FBXO31: variants seen among roughly 807,000 people sequenced by gnomAD.
FBXO31 encodes F-box protein 31.
A neutral mutation model predicts 54.4 loss-of-function variants in FBXO31; 24 were observed. That is an observed-to-expected ratio of 0.44 (90% CI 0.32 to 0.62). The LOEUF (loss-of-function observed/expected upper bound fraction) is 0.62. Among genes scored for constraint, FBXO31 ranks in the 20% least tolerant of loss-of-function variants. FBXO31 has a pLI of 0.05. For synonymous variants in FBXO31, 388 were observed against 335.6 expected (o/e 1.16, Z -1.71); for missense variants, 665 against 787.1 (o/e 0.84, Z 1.86).
chr16:87,360,902 G>C (rs949789624), intron 1 of FBXO31, among the ~76,000 whole-genome samples: 2 of 152,152 alleles, frequency 1.3e-5, no homozygotes, highest in African/African-American at 4.8e-5. Context: ...CCAGGGCCCA[G>C]TGCAGGGCCC....
intron 2 of FBXO31, among the ~76,000 whole-genome samples, chr16:87,357,805 T>C (rs1025461855): frequency 1.3e-5 from 2 of 152,082 alleles, no homozygotes; most frequent in African/African-American, 4.8e-5. Context: ...TGGTGGTGTA[T>C]GCCTGTAATC....
At chr16:87,373,941 T>C (rs1906710780) in intron 1 of FBXO31, among the ~76,000 whole-genome samples, 1 of 152,146 alleles carries the variant, frequency 6.6e-6, no homozygotes, top group African/African-American at 2.4e-5. Flanking sequence ...TACATTCCAA[T>C]AAACCCACTG....
rs1172006002 is a variant in FBXO31, at chr16:87,335,510, G to A, written c.843-53C>T. ...GAGACCTCGTGGGGCAGGCAGGACTGAGAACGCCCAAGGTGCCAGGGATGA... is the reference window on the plus strand; with the variant it reads ...GAGACCTCGTGGGGCAGGCAGGACTAAGAACGCCCAAGGTGCCAGGGATGA... On this transcript the variant is annotated intron_variant, in intron 6 of 8. Transcript: ENST00000311635. The surrounding 1 kb of genome is among the most constrained non-coding windows in gnomAD (Gnocchi z 5.7). The A allele has an allele frequency of 4.5e-5, 65 of 1,447,972 alleles. No individual in the cohort carries two copies. The East Asian group carries it at 1.8e-3, about 40-fold the overall frequency. The allele number at this position is 1,447,972 out of a possible 1,614,324, so 89.7% of individuals were successfully genotyped here.
intron 1 of FBXO31, among the ~76,000 whole-genome samples, chr16:87,375,200 G>C (rs1246777302): frequency 6.6e-6 from 1 of 152,186 alleles, no homozygotes; most frequent in Non-Finnish European, 1.5e-5. Context: ...CACCTACTTG[G>C]AGAGGCTGAG....
At position 87,335,253 on chromosome 16, in the gene FBXO31, C is replaced by T; in HGVS notation, c.996+51G>A. The T allele has an allele frequency of 6.2e-7, 1 of 1,607,132 alleles. No homozygotes were observed. Among genetic ancestry groups the T allele is most frequent in the Non-Finnish European group, 8.5e-7 (1 of 1,179,678 alleles). ...CCAAGTTCCCTGACTCCACAGCCCA[C>T]TTGGGCCAGGTGCCCCCAGAGCCCC... On this transcript the variant is annotated intron_variant, in intron 7 of 8. Coordinates refer to ENST00000311635, the MANE Select transcript of FBXO31 (RefSeq NM_024735.5). This position sits in a 1 kb window ranked among gnomAD's most constrained non-coding sequence, Gnocchi z 5.7.
chr16:87,350,845 G>C (rs761725611), intron 2 of FBXO31, among the ~76,000 whole-genome samples: 7 of 152,206 alleles, frequency 4.6e-5, no homozygotes, highest in Non-Finnish European at 7.3e-5. Flanking sequence ...CCCAAAGTGG[G>C]AGTTCCCTGT....
At chr16:87,373,662 A>C (rs1027510452) in intron 1 of FBXO31, among the ~76,000 whole-genome samples, 1 of 151,900 alleles carries the variant, frequency 6.6e-6, no homozygotes, top group Admixed American at 6.6e-5. Flanking sequence ...CCTCCGGAGG[A>C]ACTGGGACTA....
At chr16:87,364,994 G>A (rs1216800707) in intron 1 of FBXO31, among the ~76,000 whole-genome samples, 5 of 66,490 alleles carry the variant, frequency 7.5e-5, no homozygotes, top group Admixed American at 2.0e-4. Context: ...GTGACAGAGC[G>A]AGACCCCGTC....
Position 87,335,869 on chromosome 16 carries a change from G to T in FBXO31, c.842+286C>A, listed in dbSNP as rs922663844. Among the ~76,000 whole-genome samples the T allele has an allele frequency of 6.6e-6, 1 of 152,158 alleles. No individual in the cohort carries two copies. Among genetic ancestry groups the T allele is most frequent in the African/African-American group, 2.4e-5 (1 of 41,430 alleles). On this transcript the variant is annotated intron_variant, in intron 6 of 8. Coordinates refer to ENST00000311635, the MANE Select transcript of FBXO31 (RefSeq NM_024735.5). The surrounding 1 kb of genome is among the most constrained non-coding windows in gnomAD (Gnocchi z 5.7). ...AAATCAGATAAAAACAGACACCCGG[G>T]TGAAGGATGGGGTCTGGGGCTGTGC...
chr16:87,354,073 G>T (rs1327560003), intron 2 of FBXO31, among the ~76,000 whole-genome samples: 2 of 152,236 alleles, frequency 1.3e-5, no homozygotes, highest in Non-Finnish European at 2.9e-5. Context: ...CATTTGTAAG[G>T]AATTCTACTA....
intron 2 of FBXO31, among the ~76,000 whole-genome samples, chr16:87,355,994 A>C (rs1249379031): frequency 6.6e-6 from 1 of 152,142 alleles, no homozygotes; most frequent in East Asian, 1.9e-4. Context: ...TGTATTGAAA[A>C]GCCCTTGCCC....
At chr16:87,352,338 T>C (rs1905699120) in intron 2 of FBXO31, among the ~76,000 whole-genome samples, 1 of 152,124 alleles carries the variant, frequency 6.6e-6, no homozygotes, top group Non-Finnish European at 1.5e-5. Flanking sequence ...AAGATGAGAA[T>C]GTGAATAAGG....
In FBXO31 at chr16:87,346,052, G is replaced by C. The variant is rs1423414769; in HGVS notation, c.489+1122C>G. Among the ~76,000 whole-genome samples, 1 of 152,162 alleles carries C rather than the reference G, an allele frequency of 6.6e-6. No homozygotes were observed. Among genetic ancestry groups the C allele is most frequent in the Middle Eastern group, 3.2e-3 (1 of 316 alleles). ...GAGGAGAAGGGGCCAAGCGAAGCGT[G>C]ACTCACAAAGCCAGGAAGAGAAAAG... On this transcript the variant is annotated intron_variant, in intron 3 of 8. Coordinates refer to ENST00000311635, the MANE Select transcript of FBXO31 (RefSeq NM_024735.5). The surrounding 1 kb of genome is among the most constrained non-coding windows in gnomAD (Gnocchi z 4.2).
chr16:87,387,820 A>C (rs1907378190), upstream of FBXO31, among the ~76,000 whole-genome samples: 1 of 152,200 alleles, frequency 6.6e-6, no homozygotes, highest in African/African-American at 2.4e-5. Context: ...GAAAAAAAAG[A>C]AAGAAAGAAA....
intron 1 of FBXO31, among the ~76,000 whole-genome samples, chr16:87,376,899 C>CT (rs1906846937): frequency 6.6e-6 from 1 of 152,214 alleles, no homozygotes; most frequent in Non-Finnish European, 1.5e-5. Flanking sequence ...GCTCAGAAAA[C>CT]TAAGACCCGA....
At chr16:87,365,010 A>AAAATATATATAT (rs1233086176) in intron 1 of FBXO31, among the ~76,000 whole-genome samples, 1 of 47,682 alleles carries the variant, frequency 2.1e-5, no homozygotes, top group Admixed American at 2.7e-4. Flanking sequence ...CCGTCTCTTA[A>AAAATATATATAT]ATATATATAT....
Position 87,358,433 on chromosome 16 carries a change from C to A in FBXO31, c.412+1862G>T, listed in dbSNP as rs138248610. On this transcript the variant is annotated intron_variant, in intron 2 of 8. Transcript: ENST00000311635. This position sits in a 1 kb window ranked among gnomAD's most constrained non-coding sequence, Gnocchi z 4.0. ...TACGGCAGGTGTAAACGTCTCTGTACGCCATGTGCTCATAATCAGGGAGAA... is the reference window on the plus strand; with the variant it reads ...TACGGCAGGTGTAAACGTCTCTGTAAGCCATGTGCTCATAATCAGGGAGAA... 2 of 152,646 alleles carry A rather than the reference C, an allele frequency of 1.3e-5. No homozygotes were observed. The highest frequency in any genetic ancestry group is 4.8e-5 in the African/African-American group (2 of 41,442). The allele number at this position is 152,646 out of a possible 1,614,324, so 9.5% of individuals were successfully genotyped here. A position where few individuals can be genotyped will look rare whatever the true frequency, so the allele number is the denominator to read the frequency against.
In FBXO31 at chr16:87,335,866, C is replaced by T. The variant is rs1054698912; in HGVS notation, c.842+289G>A. Among the ~76,000 whole-genome samples the T allele has an allele frequency of 2.0e-5, 3 of 152,088 alleles. No homozygotes were observed. Among genetic ancestry groups the T allele is most frequent in the Non-Finnish European group, 4.4e-5 (3 of 68,006 alleles). ...AGGAAATCAGATAAAAACAGACACCCGGGTGAAGGATGGGGTCTGGGGCTG... is the reference window on the plus strand; with the variant it reads ...AGGAAATCAGATAAAAACAGACACCTGGGTGAAGGATGGGGTCTGGGGCTG... On this transcript the variant is annotated intron_variant, in intron 6 of 8. Transcript: ENST00000311635. The surrounding 1 kb of genome is among the most constrained non-coding windows in gnomAD (Gnocchi z 5.7).
At position 87,334,025 on chromosome 16, in the gene FBXO31, G is replaced by A; in HGVS notation, c.1258C>T (p.Pro420Ser). The A allele has an allele frequency of 1.2e-6, 2 of 1,612,754 alleles. No homozygotes were observed. The highest frequency in any genetic ancestry group is 1.7e-6 in the Non-Finnish European group (2 of 1,179,762). Reference sequence around the variant, plus strand: ...CCAGGCTCGCCACCATCCTCACCAGGTGTCCCATCTGGGCCCTTGCTGGGC... The same window carrying A: ...CCAGGCTCGCCACCATCCTCACCAGATGTCCCATCTGGGCCCTTGCTGGGC... The part of the protein sequence containing the change: ...EAPSKGPDGT[P>S]GEDGGEPGDA... Residue 420 changes from proline to serine, a missense_variant, in exon 8 of 9, where the codon CCT becomes TCT. Pro to Ser is a moderately conservative substitution (Grantham distance 74). Coordinates refer to ENST00000311635, the MANE Select transcript of FBXO31 (RefSeq NM_024735.5).
Sources: gnomAD v4.1 joint callset for allele counts (sites outside exome capture counted in the v4.1 genomes callset) on GRCh38, gnomAD v4.1.1 for gene constraint, Gnocchi (gnomAD v3.1) non-coding constraint, MANE v1.5 for transcripts, NCBI Gene and HGNC (gene_info 2026-07-23, HGNC 2026-07-21) for gene names.